TRAF3: variants seen among roughly 807,000 people sequenced by gnomAD.
TRAF3 encodes TNF receptor-associated factor 3.
A neutral mutation model predicts 62.3 loss-of-function variants in TRAF3; 13 were observed. That is an observed-to-expected ratio of 0.21 (90% confidence interval 0.14 to 0.33). TRAF3 has a LOEUF of 0.33. TRAF3 is among the 10% of genes least tolerant of loss of function. The pLI, the probability that TRAF3 is intolerant of heterozygous loss-of-function variation, is 1.00. For missense variants in TRAF3, 440 were observed against 741.8 expected (o/e 0.59, Z 4.73); for synonymous variants, 269 against 283.4 (o/e 0.95, Z 0.51).
chr14:102,842,390 G>A (rs1886428616), intron 2 of TRAF3, among the ~76,000 whole-genome samples: 1 of 151,346 alleles, frequency 6.6e-6, no homozygotes, highest in South Asian at 2.1e-4. Flanking sequence ...TATTACGACA[G>A]AAGAAAAGAG....
At chr14:102,810,972 C>T (rs144377856) in intron 1 of TRAF3, among the ~76,000 whole-genome samples, 58 of 152,168 alleles carry the variant, frequency 3.8e-4, no homozygotes, top group African/African-American at 1.2e-3. Context: ...GGAGAAAGCT[C>T]GGTAAAGGTA....
At position 102,904,849 on chromosome 14, in the gene TRAF3, C is replaced by T. The variant is rs567057380; in HGVS notation, c.1136-364C>T. On this transcript the variant is annotated intron_variant, in intron 11 of 11. Coordinates refer to ENST00000392745, the MANE Select transcript of TRAF3 (RefSeq NM_145725.3). Reference sequence around the variant, plus strand: ...AAAAAGAGCCAGGCACGGTGGCTCACGCCTGTAATCCCAGCACTTTGGGAG... The same window carrying T: ...AAAAAGAGCCAGGCACGGTGGCTCATGCCTGTAATCCCAGCACTTTGGGAG... Among the ~76,000 whole-genome samples the T allele has an allele frequency of 4.7e-5, 7 of 148,282 alleles. No individual in the cohort carries two copies. In the South Asian group the frequency reaches 6.4e-4, roughly 14 times the overall value.
chr14:102,802,701 G>A (rs1255606882), intron 1 of TRAF3, among the ~76,000 whole-genome samples: 2 of 151,662 alleles, frequency 1.3e-5, no homozygotes, highest in South Asian at 2.1e-4. Context: ...TGTGGCGGGC[G>A]CCTGTAATCC....
chr14:102,873,073 G>T (rs900160885), intron 4 of TRAF3, among the ~76,000 whole-genome samples: 1 of 152,140 alleles, frequency 6.6e-6, no homozygotes, highest in African/African-American at 2.4e-5. Context: ...TTTTTTAAAT[G>T]CAGGTCACTA....
intron 6 of TRAF3, 56 bp downstream of exon 6, chr14:102,876,581 A>G (rs1888665983): frequency 1.9e-6 from 3 of 1,595,614 alleles, no homozygotes; most frequent in Non-Finnish European, 2.6e-6. Flanking sequence ...GATACATTCC[A>G]CAGGCCTTCC....
At chr14:102,818,641 G>A (rs958423455) in intron 1 of TRAF3, among the ~76,000 whole-genome samples, 14 of 152,100 alleles carry the variant, frequency 9.2e-5, no homozygotes, top group African/African-American at 2.9e-4. Flanking sequence ...CCCAGCCTCC[G>A]TAACCACTGT....
At chr14:102,887,909 T>G (rs1889492013) in intron 7 of TRAF3, among the ~76,000 whole-genome samples, 1 of 152,188 alleles carries the variant, frequency 6.6e-6, no homozygotes, top group Non-Finnish European at 1.5e-5. Context: ...ATTTCTTATT[T>G]AAAACATTGT....
At chr14:102,793,010 A>T (rs28863856) in intron 1 of TRAF3, among the ~76,000 whole-genome samples, 8,733 of 151,924 alleles carry the variant, frequency 0.057, 828 homozygotes, top group African/African-American at 0.2. Context: ...GGGTTTTGCC[A>T]TGTTGGCCAG....
At chr14:102,899,169 T>C (rs561579078) in intron 10 of TRAF3, among the ~76,000 whole-genome samples, 2 of 152,142 alleles carry the variant, frequency 1.3e-5, no homozygotes, top group Non-Finnish European at 2.9e-5. Context: ...AACCGTGTGG[T>C]TTTTTGAAAG....
chr14:102,877,333 A>T (rs1018438162), intron 6 of TRAF3, among the ~76,000 whole-genome samples: 2 of 143,608 alleles, frequency 1.4e-5, no homozygotes, highest in Non-Finnish European at 3.0e-5. Flanking sequence ...TCTGTTCCAC[A>T]GGCCTTCTGC....
chr14:102,859,018 G>A (rs987888956), intron 2 of TRAF3, among the ~76,000 whole-genome samples: 10 of 151,974 alleles, frequency 6.6e-5, no homozygotes, highest in Admixed American at 5.2e-4. Context: ...ACCTTGTTAC[G>A]CTTTTATTCC....
In TRAF3 at chr14:102,834,955, AACAT is replaced by A. The variant is rs535642999; in HGVS notation, c.-18+4488_-18+4491del. Among the ~76,000 whole-genome samples, 749 of 152,318 alleles carry A rather than the reference AACAT, an allele frequency of 4.9e-3. 8 individuals carry two copies. Among genetic ancestry groups the A allele is most frequent in the Non-Finnish European group, 7.0e-3 (473 of 68,028 alleles). Reference sequence around the variant, plus strand: ...AGCAAAAGAAATTATCGACAGAGTAAACATACATCTTACAGCATGGGAGAAAATA... The same window carrying A: ...AGCAAAAGAAATTATCGACAGAGTAAACATCTTACAGCATGGGAGAAAATA... On this transcript the variant is annotated intron_variant, in intron 2 of 11. Transcript: ENST00000392745.
At chr14:102,880,147 C>T (rs1161472466) in intron 6 of TRAF3, among the ~76,000 whole-genome samples, 1 of 152,060 alleles carries the variant, frequency 6.6e-6, no homozygotes, top group Non-Finnish European at 1.5e-5. Context: ...CTGTGCCCTC[C>T]CCTTTGGAAA....
At chr14:102,855,171 C>G (rs1323327193) in intron 2 of TRAF3, among the ~76,000 whole-genome samples, 2 of 152,078 alleles carry the variant, frequency 1.3e-5, no homozygotes, top group African/African-American at 4.8e-5. Context: ...AACTTGATTC[C>G]TTTTTAAGGC....
chr14:102,804,938 A>G (rs955526771), intron 1 of TRAF3, among the ~76,000 whole-genome samples: 20 of 152,222 alleles, frequency 1.3e-4, no homozygotes, highest in Non-Finnish European at 4.4e-5. Context: ...GGACAGAAAA[A>G]ATGCCAGTGG....
intron 1 of TRAF3, among the ~76,000 whole-genome samples, chr14:102,798,995 C>T (rs1167485942): frequency 6.6e-6 from 1 of 152,192 alleles, no homozygotes; most frequent in Non-Finnish European, 1.5e-5. Flanking sequence ...CAGAATAGGA[C>T]TCTTGTTCAG....
chr14:102,885,981 C>T (rs1053384512), intron 6 of TRAF3, among the ~76,000 whole-genome samples: 11 of 152,220 alleles, frequency 7.2e-5, no homozygotes, highest in Admixed American at 2.0e-4. Flanking sequence ...CTGGTCAGAT[C>T]TGACCAGATC....
chr14:102,889,671 A>G (rs770201235), intron 8 of TRAF3, 37 bp downstream of exon 8: 3 of 1,603,350 alleles, frequency 1.9e-6, no homozygotes, highest in Non-Finnish European at 2.6e-6. Flanking sequence ...AGTCACTGAC[A>G]TTCTGCCATG....
chr14:102,896,450 G>A (rs542906111), intron 9 of TRAF3, among the ~76,000 whole-genome samples: 2 of 152,154 alleles, frequency 1.3e-5, no homozygotes, highest in African/African-American at 2.4e-5. Context: ...ACATCCTCCA[G>A]GGACTAGTAT....
Sources: gnomAD v4.1 joint callset for allele counts (sites outside exome capture counted in the v4.1 genomes callset) on GRCh38, gnomAD v4.1.1 for gene constraint, MANE v1.5 for transcripts, NCBI Gene and HGNC (gene_info 2026-07-23, HGNC 2026-07-21) for gene names.